Variants in CCDC187 observed in about 807,000 individuals in gnomAD.
The protein encoded by CCDC187 is coiled-coil domain-containing protein 187.
Under a neutral mutation model 38.0 loss-of-function variants are expected in CCDC187, and 32 were observed. The observed-to-expected ratio is 0.84, with a 90% CI of 0.64 to 1.13. CCDC187 has a LOEUF of 1.13. Among genes scored for constraint, CCDC187 ranks in the 50% most tolerant of loss-of-function variants. CCDC187 has a pLI of 0.00. For missense variants in CCDC187, 707 were observed against 786.8 expected, an observed-to-expected ratio of 0.90 and a Z score of 1.21; for synonymous variants, 333 against 347.9, an observed-to-expected ratio of 0.96 and a Z score of 0.48.
At position 136,302,875 on chromosome 9, in the gene CCDC187, T is replaced by C. The variant is rs1167248297; in HGVS notation, c.562A>G (p.Thr188Ala). ...SSASRLHKASTLMLRRKGQEA... is the reference protein window; with the variant it reads ...SSASRLHKASALMLRRKGQEA... Reference sequence around the variant, plus strand: ...TGGCCTTTCCTCCTAAGCATCAGCGTGGAGGCTTTGTGGAGTCTGGAGGCG... The same window carrying C: ...TGGCCTTTCCTCCTAAGCATCAGCGCGGAGGCTTTGTGGAGTCTGGAGGCG... Residue 188 changes from threonine to alanine, a missense_variant, in exon 2 of 26, where the codon ACG becomes GCG. Physicochemically the swap from Thr to Ala is moderately conservative, Grantham distance 58. Transcript: ENST00000638797. 2.5e-6 allele frequency: 1 copy of C among 398,694 alleles called. No individual in the cohort carries two copies. Among genetic ancestry groups the C allele is most frequent in the African/African-American group, 2.1e-5 (1 of 48,760 alleles). 24.7% of individuals were successfully genotyped at this position (398,694 alleles called of 1,614,324 possible). A position where few individuals can be genotyped will look rare whatever the true frequency, so the allele number is the denominator to read the frequency against.
intron 15 of CCDC187, 109 bp from the exon 16 acceptor site, chr9:136,267,620 C>T: frequency 1.0e-6 from 1 of 985,328 alleles, no homozygotes; most frequent in South Asian, 4.7e-5. Context: ...CTAGACCGCT[C>T]CCAGCACAGG....
In CCDC187 at chr9:136,291,478, G is replaced by A. The variant is rs964937549; in HGVS notation, c.1135C>T (p.Arg379Cys). Residue 379 changes from arginine (R) to cysteine (C), a missense_variant, in exon 6 of 26, where the codon CGC becomes TGC. Transcript: ENST00000638797. ...TCCAGCCCAGCCTGGATTTGCTGGC[G>A]CAGGTCTTGTAGGATGGCCATGGCC... ...QTAMAILQDL[R>C]QQIQAGLELA... The A allele has an allele frequency of 2.0e-5, 8 of 398,744 alleles. No homozygotes were observed. The highest frequency in any genetic ancestry group is 1.3e-4 in the South Asian group (1 of 7,864). 24.7% of individuals were successfully genotyped at this position (398,744 alleles called of 1,614,324 possible).
chr9:136,268,545 G>T (rs1554761970), intron 14 of CCDC187, among the ~76,000 whole-genome samples: 1 of 152,124 alleles, frequency 6.6e-6, no homozygotes, highest in Non-Finnish European at 1.5e-5. Flanking sequence ...ACCTCTGCTG[G>T]CCATGCTTCT....
chr9:136,251,062 C>A lies in CCDC187; in HGVS notation c.*2532G>T, dbSNP rs1392300349. The A allele has an allele frequency of 4.4e-6, 2 of 455,780 alleles. No homozygotes were observed. Among genetic ancestry groups the A allele is most frequent in the Non-Finnish European group, 8.8e-6 (2 of 226,606 alleles). 28.2% of individuals were successfully genotyped at this position (455,780 alleles called of 1,614,324 possible). A position where few individuals can be genotyped will look rare whatever the true frequency, so the allele number is the denominator to read the frequency against. ...CTGCATGCATAAAGTCTGGAGTATG[C>A]TCCTCTCTGAAGTGGAGGAGGCCTG... is the stretch of plus-strand genomic sequence containing the variant. On this transcript the variant is annotated 3_prime_UTR_variant, in exon 26 of 26. Coordinates refer to ENST00000638797, the MANE Select transcript of CCDC187 (RefSeq NM_001378188.1).
At position 136,286,281 on chromosome 9, in the gene CCDC187, CG is replaced by C; in HGVS notation, c.2636del (p.Thr879SerfsTer24). The C allele has an allele frequency of 5.0e-6, 2 of 398,540 alleles. No individual in the cohort carries two copies. Among genetic ancestry groups the C allele is most frequent in the Non-Finnish European group, 8.8e-6 (2 of 226,056 alleles). The allele number at this position is 398,540 out of a possible 1,614,324, so 24.7% of individuals were successfully genotyped here. A position where few individuals can be genotyped will look rare whatever the true frequency, so the allele number is the denominator to read the frequency against. ...LPAAPTLATP[T>X]LATPACPGAL... ...CTCCAGGGCAGGCTGGGGTGGCAAGCGTGGGGGTGGCGAGCGTGGGGGCGGC... is the reference window on the plus strand; with the variant it reads ...CTCCAGGGCAGGCTGGGGTGGCAAGCTGGGGGTGGCGAGCGTGGGGGCGGC... On this transcript the variant is annotated frameshift_variant, in exon 8 of 26. Coordinates refer to ENST00000638797, the MANE Select transcript of CCDC187 (RefSeq NM_001378188.1). LOFTEE classifies it high-confidence loss of function.
chr9:136,268,026 C>T (rs1237442996), intron 15 of CCDC187, 23 bp downstream of exon 15: 4 of 985,360 alleles, frequency 4.1e-6, no homozygotes, highest in Non-Finnish European at 4.8e-6. Context: ...TGTGCCTCTC[C>T]CCCAGGGGAC....
At chr9:136,277,800 T>C (rs1830961975) in intron 10 of CCDC187, among the ~76,000 whole-genome samples, 2 of 152,246 alleles carry the variant, frequency 1.3e-5, no homozygotes, top group Non-Finnish European at 2.9e-5. Flanking sequence ...TGATGGCTTG[T>C]GGATGAGCGC....
intron 18 of CCDC187, 109 bp from the exon 19 acceptor site, chr9:136,262,571 C>A: frequency 2.2e-6 from 2 of 914,920 alleles, no homozygotes; most frequent in Non-Finnish European, 2.6e-6. Flanking sequence ...TAGGGCAGTG[C>A]CGGGGCTGCT....
chr9:136,292,206 G>T lies in CCDC187; in HGVS notation c.922C>A (p.His308Asn), dbSNP rs1831348852. The T allele has an allele frequency of 5.0e-6, 2 of 398,876 alleles. No homozygotes were observed. The highest frequency in any genetic ancestry group is 1.3e-3 in the Middle Eastern group (2 of 1,594). The allele number at this position is 398,876 out of a possible 1,614,324, so 24.7% of individuals were successfully genotyped here. ...GGGTCTCTCGAGGGATCCTTGCTAT[G>T]GTGCCTGCGGAGGACGGGAGGGGGC... ...LGPPPVLRRH[H>N]SKDPSRDPAL... The change falls in exon 5 of 26, where the codon CAT becomes AAT. Residue 308 changes from histidine to asparagine, a missense_variant. Transcript: ENST00000638797.
rs1280271074 is a variant in CCDC187 at position 136,260,380 on chromosome 9, T to C, written c.4065-116A>G. ...TCCCTGGGAACAACCTCATGTCACA[T>C]CCAGGGATGGCTGTGGTCAGTGGCC... On this transcript the variant is annotated intron_variant, in intron 19 of 25. Coordinates refer to ENST00000638797, the MANE Select transcript of CCDC187 (RefSeq NM_001378188.1). 3.9e-6 allele frequency: 3 copies of C among 769,862 alleles called. No individual in the cohort carries two copies. The East Asian group carries it at 3.9e-4, about 101-fold the overall frequency. The allele number at this position is 769,862 out of a possible 1,614,324, so 47.7% of individuals were successfully genotyped here.
Position 136,286,373 on chromosome 9 carries a change from C to T in CCDC187, c.2545G>A (p.Glu849Lys), listed in dbSNP as rs1325303516. 3.5e-5 allele frequency: 14 copies of T among 398,546 alleles called. No homozygotes were observed. Among genetic ancestry groups the T allele is most frequent in the African/African-American group, 1.2e-4 (6 of 48,648 alleles). The allele number at this position is 398,546 out of a possible 1,614,324, so 24.7% of individuals were successfully genotyped here. ...GGGTCCCTGACGGTGTCCAGCGCTT[C>T]GGCACCCTGCAGCTTGGCGGTGAGG... ...DSLTAKLQGA[E>K]ALDTVRDPAV... Residue 849 changes from glutamate to lysine, a missense_variant, in exon 8 of 26, where the codon GAA (glutamate) becomes AAA (lysine). Glu to Lys is a moderately conservative substitution (Grantham distance 56). Coordinates refer to ENST00000638797, the MANE Select transcript of CCDC187 (RefSeq NM_001378188.1).
Position 136,257,754 on chromosome 9 carries a change from T to C in CCDC187, c.4367-913A>G, listed in dbSNP as rs1461114121. ...GTCTAAAGCCCAAGGAGGGGGAAGC[T>C]CCATCAGTGGGAACACCTGCCCTCT... On this transcript the variant is annotated intron_variant, in intron 22 of 25. Coordinates refer to ENST00000638797, the MANE Select transcript of CCDC187 (RefSeq NM_001378188.1). This position sits in a 1 kb window ranked among gnomAD's most constrained non-coding sequence, Gnocchi z 4.5. Among the ~76,000 whole-genome samples, 1 of 152,208 alleles carries C rather than the reference T, an allele frequency of 6.6e-6. No homozygotes were observed. The highest frequency in any genetic ancestry group is 2.4e-5 in the African/African-American group (1 of 41,460).
intron 7 of CCDC187, 55 bp from the exon 8 acceptor site, chr9:136,286,750 C>G: frequency 2.5e-6 from 1 of 398,480 alleles, no homozygotes; most frequent in East Asian, 3.6e-5. Flanking sequence ...CCCAGCAGGG[C>G]ACGGAAAGCA....
chr9:136,260,293 C>A (rs535602603), intron 19 of CCDC187, 29 bp from the exon 20 acceptor site: 1 of 984,562 alleles, frequency 1.0e-6, no homozygotes, highest in African/African-American at 1.8e-5. Flanking sequence ...TGGAGGTGAC[C>A]GCCCGCCCGG....
In CCDC187 at chr9:136,303,221, T is replaced by C. The variant is rs1190722253; in HGVS notation, c.216A>G (p.Pro72=). The C allele has an allele frequency of 2.5e-6, 1 of 398,310 alleles. No homozygotes were observed. The highest frequency in any genetic ancestry group is 4.4e-6 in the Non-Finnish European group (1 of 226,054). The allele number at this position is 398,310 out of a possible 1,614,324, so 24.7% of individuals were successfully genotyped here. Reference sequence around the variant, plus strand: ...CGACCACGTGGGGAGCTGCCCAGGGTGGGTCTGGCTGCTGGGAGGGCCCGG... The same window carrying C: ...CGACCACGTGGGGAGCTGCCCAGGGCGGGTCTGGCTGCTGGGAGGGCCCGG... ...RWPGPSQQPD[P]PWAAPHVVGS... The change falls in exon 2 of 26, where the codon CCA becomes CCG. Residue 72 remains proline (P), a synonymous_variant. Coordinates refer to ENST00000638797, the MANE Select transcript of CCDC187 (RefSeq NM_001378188.1).
chr9:136,261,416 C>T (rs990502062), intron 19 of CCDC187, among the ~76,000 whole-genome samples: 3 of 152,126 alleles, frequency 2.0e-5, no homozygotes, highest in Non-Finnish European at 4.4e-5. Context: ...ATAGGGTGTA[C>T]CCCTCCGCCA....
intron 5 of CCDC187, among the ~76,000 whole-genome samples, 198 bp from the exon 6 acceptor site, chr9:136,291,843 G>C: frequency 6.6e-6 from 1 of 152,342 alleles, no homozygotes; most frequent in South Asian, 2.1e-4. Context: ...AAGCACAGGT[G>C]TGCCTGTGTC....
intron 8 of CCDC187, 191 bp from the exon 9 acceptor site, chr9:136,285,797 G>A (rs979911600): frequency 3.8e-5 from 15 of 397,040 alleles, no homozygotes; most frequent in African/African-American, 1.6e-4. Flanking sequence ...CCACTGGAGC[G>A]GCCTCACCCT....
chr9:136,279,557 G>A (rs1269907326), intron 10 of CCDC187, among the ~76,000 whole-genome samples: 1 of 152,228 alleles, frequency 6.6e-6, no homozygotes, highest in African/African-American at 2.4e-5. Context: ...AGACGTGGCT[G>A]TCCTGCAGCC....
Sources: gnomAD v4.1 joint callset for allele counts (sites outside exome capture counted in the v4.1 genomes callset) on GRCh38, gnomAD v4.1.1 for gene constraint, Gnocchi (gnomAD v3.1) non-coding constraint, MANE v1.5 for transcripts, NCBI Gene and HGNC (gene_info 2026-07-23, HGNC 2026-07-21) for gene names.